COL23A1: variants seen among roughly 807,000 people sequenced by gnomAD.
COL23A1 encodes the protein collagen type XXIII alpha 1 chain.
COL23A1 carries 97 observed loss-of-function variants against 99.3 expected under a neutral mutation model. The observed-to-expected ratio is 0.98, with a 90% CI of 0.83 to 1.16. COL23A1 has a LOEUF of 1.16. Among genes scored for constraint, COL23A1 ranks in the 50% most tolerant of loss-of-function variants. The pLI is 0.00. For synonymous variants in COL23A1, 320 were observed against 308.2 expected, an observed-to-expected ratio of 1.04 and a Z score of -0.40; for missense variants, 762 against 757.4, an observed-to-expected ratio of 1.01 and a Z score of -0.07.
chr5:178,537,486 A>G (rs1761040335), intron 2 of COL23A1, among the ~76,000 whole-genome samples: 1 of 152,092 alleles, frequency 6.6e-6, no homozygotes, highest in African/African-American at 2.4e-5. Context: ...GTGTCCACAG[A>G]TGCCTGGGAC....
At chr5:178,546,257 C>T (rs1399988752) in intron 2 of COL23A1, among the ~76,000 whole-genome samples, 2 of 152,194 alleles carry the variant, frequency 1.3e-5, no homozygotes, top group African/African-American at 4.8e-5. Flanking sequence ...GGGGGTATCA[C>T]CCCTCCATTC....
chr5:178,240,687 T>A (rs1764348372), intron 27 of COL23A1, among the ~76,000 whole-genome samples: 1 of 152,194 alleles, frequency 6.6e-6, no homozygotes, highest in South Asian at 2.1e-4. Context: ...CTCATTGACT[T>A]CTCAAAACTG....
intron 1 of COL23A1, chr5:178,562,272 G>T: frequency 3.1e-6 from 1 of 319,228 alleles, no homozygotes; most frequent in South Asian, 2.7e-5. Context: ...AAAAAGAATG[G>T]AGCCGCGGGC....
chr5:178,409,021 CAT>C (rs140391290), intron 2 of COL23A1, among the ~76,000 whole-genome samples: 9,142 of 129,322 alleles, frequency 0.071, 438 homozygotes, highest in Middle Eastern at 0.12. Flanking sequence ...CACACACACA[CAT>C]CATGTGGCTG....
chr5:178,515,169 C>T (rs1020441200), intron 2 of COL23A1, among the ~76,000 whole-genome samples: 4 of 152,244 alleles, frequency 2.6e-5, no homozygotes, highest in African/African-American at 9.6e-5. Flanking sequence ...ACCCAGCCCT[C>T]CTGGGGACAT....
intron 2 of COL23A1, among the ~76,000 whole-genome samples, chr5:178,343,532 G>C (rs576248451): frequency 6.6e-6 from 1 of 152,208 alleles, no homozygotes; most frequent in African/African-American, 2.4e-5. Flanking sequence ...ATAAATCAGA[G>C]GAATGAAGAG....
intron 2 of COL23A1, among the ~76,000 whole-genome samples, chr5:178,335,227 C>A (rs1760254588): frequency 6.6e-6 from 1 of 152,208 alleles, no homozygotes; most frequent in Non-Finnish European, 1.5e-5. Flanking sequence ...ACATTTTAAA[C>A]CCTCTAGCCA....
chr5:178,326,015 C>T (rs1223742037), intron 2 of COL23A1, among the ~76,000 whole-genome samples: 3 of 152,204 alleles, frequency 2.0e-5, no homozygotes, highest in African/African-American at 4.8e-5. Context: ...CCCTAGTAAA[C>T]GGCTCTTAAC....
chr5:178,475,897 T>C (rs1336988376), intron 2 of COL23A1, among the ~76,000 whole-genome samples: 3 of 152,220 alleles, frequency 2.0e-5, no homozygotes, highest in Non-Finnish European at 4.4e-5. Context: ...CGAAGGCCTC[T>C]AATTCTTCGA....
At chr5:178,364,230 T>C (rs1330617496) in intron 2 of COL23A1, among the ~76,000 whole-genome samples, 2 of 152,156 alleles carry the variant, frequency 1.3e-5, no homozygotes, top group African/African-American at 4.8e-5. Flanking sequence ...CCCACGTCCC[T>C]TGTAAGTCTG....
chr5:178,427,290 A>G (rs1386122607), intron 2 of COL23A1, among the ~76,000 whole-genome samples: 1 of 152,192 alleles, frequency 6.6e-6, no homozygotes. Context: ...AGGGATGTGG[A>G]GTATTGGGAA....
rs140684230 is a variant in COL23A1, at chr5:178,539,627, G to C, written c.361+21055C>G. 4.2e-4 allele frequency among the ~76,000 whole-genome samples: 63 copies of C among 150,630 alleles called. No homozygotes were observed. In the East Asian group the frequency reaches 0.012, roughly 29 times the overall value. The stretch of plus-strand genomic sequence containing the variant: ...GAAGCAGAGTTCTCTATTAAAACAT[G>C]TGACTTAATTACTTAAAATCTAAAG... On this transcript the variant is annotated intron_variant, in intron 2 of 28. Transcript: ENST00000390654.
In COL23A1 at chr5:178,238,332, T is replaced by G. The variant is rs994191162; in HGVS notation, c.*366A>C. 2 of 226,910 alleles carry G rather than the reference T, an allele frequency of 8.8e-6. No individual in the cohort carries two copies. The highest frequency in any genetic ancestry group is 7.3e-5 in the South Asian group (1 of 13,694). 14.1% of individuals were successfully genotyped at this position (226,910 alleles called of 1,614,324 possible). On this transcript the variant is annotated 3_prime_UTR_variant, in exon 29 of 29. Coordinates refer to ENST00000390654, the MANE Select transcript of COL23A1 (RefSeq NM_173465.4). ...AGGGTGTGTCCCAGGGACTCCAGAG[T>G]TTTGCGGGGGCAGGTTCTTACAGGG...
chr5:178,358,536 G>GTC (rs768597613), intron 2 of COL23A1, among the ~76,000 whole-genome samples: 1 of 142,052 alleles, frequency 7.0e-6, no homozygotes, highest in African/African-American at 2.7e-5. Context: ...TGTCTAGTGT[G>GTC]TGTATGTGTG....
intron 2 of COL23A1, among the ~76,000 whole-genome samples, chr5:178,519,837 G>T (rs1759838985): frequency 6.6e-6 from 1 of 152,220 alleles, no homozygotes; most frequent in South Asian, 2.1e-4. Flanking sequence ...ATAGATGGAG[G>T]ATGGTCAGAT....
chr5:178,269,647 A>AATCCATTCATCC (rs1252814164), intron 6 of COL23A1, among the ~76,000 whole-genome samples: 63 of 101,172 alleles, frequency 6.2e-4, no homozygotes, highest in Non-Finnish European at 1.0e-3. Context: ...TCCACTCACC[A>AATCCATTCATCC]ATCCATTCAT....
At chr5:178,257,074 A>G (rs1422732257) in intron 13 of COL23A1, 146 bp from the exon 14 acceptor site, 12 of 713,796 alleles carry the variant, frequency 1.7e-5, no homozygotes, top group Non-Finnish European at 2.8e-5. Flanking sequence ...GTGTGGGCGG[A>G]TGGACCTCAG....
At position 178,309,683 on chromosome 5, in the gene COL23A1, CCAAGCAGT is replaced by C. The variant is rs1391180549; in HGVS notation, c.362-2772_362-2765del. Among the ~76,000 whole-genome samples the C allele has an allele frequency of 7.1e-6, 1 of 140,458 alleles. No individual in the cohort carries two copies. The highest frequency in any genetic ancestry group is 1.5e-5 in the Non-Finnish European group (1 of 65,052). The allele number at this position is 140,458 out of a possible 152,430, so 92.1% of individuals were successfully genotyped here. On this transcript the variant is annotated intron_variant, in intron 2 of 28. Coordinates refer to ENST00000390654, the MANE Select transcript of COL23A1 (RefSeq NM_173465.4). This position sits in a 1 kb window ranked among gnomAD's most constrained non-coding sequence, Gnocchi z 4.7. Reference sequence around the variant, plus strand: ...ACTTACCTGCAGGTCCCAGCAGCACCCAAGCAGTCAAGCCAGAGACCCCCCCCCGGGCA... The same window carrying C: ...ACTTACCTGCAGGTCCCAGCAGCACCCAAGCCAGAGACCCCCCCCCGGGCA...
intron 2 of COL23A1, among the ~76,000 whole-genome samples, chr5:178,331,426 C>T (rs1237051824): frequency 6.6e-6 from 1 of 152,234 alleles, no homozygotes; most frequent in East Asian, 1.9e-4. Context: ...GGCTCAGTTT[C>T]CCCATCTGTA....
Sources: allele counts gnomAD v4.1 joint callset (sites outside exome capture counted in the v4.1 genomes callset), GRCh38; gene constraint gnomAD v4.1.1; non-coding constraint Gnocchi (gnomAD v3.1); transcripts MANE v1.5; gene names NCBI Gene and HGNC (gene_info 2026-07-23, HGNC 2026-07-21).